Variants in SAMSN1 observed in about 807,000 individuals in gnomAD.
SAMSN1 encodes SAM domain-containing protein SAMSN-1.
A neutral mutation model predicts 42.0 loss-of-function variants in SAMSN1; 31 were observed. That is an observed-to-expected ratio of 0.74 (90% CI 0.55 to 1.00). The LOEUF (loss-of-function observed/expected upper bound fraction) is 1.00, where lower values mean the gene tolerates loss of function less well. Among genes scored for constraint, SAMSN1 ranks in the 50% least tolerant of loss-of-function variants. The probability of loss-of-function intolerance (pLI) is 0.00; values close to 1 mark genes in which losing one functional copy is unlikely to be tolerated. For synonymous variants in SAMSN1, 178 were observed against 151.9 expected (o/e 1.17, Z -1.26); for missense variants, 464 against 439.4 (o/e 1.06, Z -0.50).
At chr21:14,653,237 A>G (rs1235996421) in intron 1 of SAMSN1, among the ~76,000 whole-genome samples, 1 of 151,988 alleles carries the variant, frequency 6.6e-6, no homozygotes, top group African/African-American at 2.4e-5. Context: ...AGATTTGGAC[A>G]CAACCTAAGT....
intron 5 of SAMSN1, among the ~76,000 whole-genome samples, chr21:14,608,592 G>A (rs1324262999): frequency 1.3e-5 from 2 of 152,176 alleles, no homozygotes; most frequent in Non-Finnish European, 2.9e-5. Context: ...TAAGATATCA[G>A]CAGGAGTGGC....
chr21:14,577,277 TATA>T lies in SAMSN1; in HGVS notation c.261+4856_261+4858del, dbSNP rs1283173599. ...ATATATATATATATATATATATATA[TATA>T]TATATTTTTTTTTTAGAAGAGACAG... On this transcript the variant is annotated intron_variant, in intron 2 of 8. Transcript: ENST00000285670. Among the ~76,000 whole-genome samples the T allele has an allele frequency of 3.1e-3, 166 of 54,032 alleles. 7 individuals are homozygous for T. The highest frequency in any genetic ancestry group is 5.2e-3 in the African/African-American group (49 of 9,454). The allele number at this position is 54,032 out of a possible 152,430, so 35.4% of individuals were successfully genotyped here. A position where few individuals can be genotyped will look rare whatever the true frequency, so the allele number is the denominator to read the frequency against.
Position 14,485,930 on chromosome 21 carries a change from G to A in SAMSN1, c.1104C>T (p.Ile368=). Residue 368 remains isoleucine (I), a synonymous_variant, in exon 8 of 8, where the codon ATC becomes ATT. Coordinates refer to ENST00000400566, the MANE Select transcript of SAMSN1 (RefSeq NM_022136.5). ...NLSDMVHKII[I]TEPSD is the part of the protein sequence containing the mutation. ...TGCGTGTTCAGTCACTTGGCTCTGT[G>A]ATAATAATCTTATGTACCATGTCAG... 6.2e-7 allele frequency: 1 copy of A among 1,613,432 alleles called. No individual in the cohort carries two copies. The highest frequency in any genetic ancestry group is 2.2e-5 in the East Asian group (1 of 44,860).
chr21:14,622,953 G>A (rs1236468912), intron 2 of SAMSN1, among the ~76,000 whole-genome samples: 4 of 152,194 alleles, frequency 2.6e-5, no homozygotes, highest in African/African-American at 7.2e-5. Context: ...AGAAGAGAGT[G>A]GGGGCCAATA....
At chr21:14,551,673 AG>A (rs1309468145) in intron 2 of SAMSN1, among the ~76,000 whole-genome samples, 2 of 152,110 alleles carry the variant, frequency 1.3e-5, no homozygotes, top group Non-Finnish European at 2.9e-5. Flanking sequence ...TTATTCTACA[AG>A]TTAATAATAT....
chr21:14,520,094 C>T (rs1172977422), intron 2 of SAMSN1, among the ~76,000 whole-genome samples: 1 of 152,166 alleles, frequency 6.6e-6, no homozygotes, highest in African/African-American at 2.4e-5. Context: ...ATAAAGTTAG[C>T]ATTGTGCTTA....
chr21:14,639,866 A>G (rs1983552414), intron 2 of SAMSN1, among the ~76,000 whole-genome samples: 1 of 151,948 alleles, frequency 6.6e-6, no homozygotes, highest in Non-Finnish European at 1.5e-5. Flanking sequence ...ATCACCTATT[A>G]TTTCTCTTTT....
At chr21:14,598,000 C>T (rs540747738) in intron 6 of SAMSN1, 2 of 152,236 alleles carry the variant, frequency 1.3e-5, no homozygotes, top group South Asian at 4.1e-4. Context: ...CCCCTAACTA[C>T]TGGGGAGGCT....
chr21:14,560,167 T>C (rs1980900508), intron 2 of SAMSN1, among the ~76,000 whole-genome samples: 2 of 152,258 alleles, frequency 1.3e-5, no homozygotes, highest in Admixed American at 6.5e-5. Flanking sequence ...CTGGAGAAGT[T>C]AGGAAATGTT....
At chr21:14,586,307 A>G (rs973173953), upstream of SAMSN1, among the ~76,000 whole-genome samples, 1 of 151,656 alleles carries the variant, frequency 6.6e-6, no homozygotes, top group East Asian at 1.9e-4. Flanking sequence ...AAAATCCTCA[A>G]ATATTTTTCA....
intron 1 of SAMSN1, among the ~76,000 whole-genome samples, chr21:14,543,147 T>G (rs1980151131): frequency 6.6e-6 from 1 of 152,226 alleles, no homozygotes; most frequent in South Asian, 2.1e-4. Context: ...AACATTCCAG[T>G]ACATGCAATG....
At chr21:14,596,138 T>C (rs1982255466) in intron 6 of SAMSN1, among the ~76,000 whole-genome samples, 1 of 152,170 alleles carries the variant, frequency 6.6e-6, no homozygotes, top group Non-Finnish European at 1.5e-5. Context: ...ATTAATGCAG[T>C]ATAACTTCGG....
chr21:14,602,519 A>T (rs1490231569), intron 5 of SAMSN1, among the ~76,000 whole-genome samples: 1 of 152,194 alleles, frequency 6.6e-6, no homozygotes, highest in South Asian at 2.1e-4. Context: ...TCTTCTCAAC[A>T]TGAATTATTT....
intron 7 of SAMSN1, among the ~76,000 whole-genome samples, chr21:14,486,374 C>A (rs552740634): frequency 6.6e-6 from 1 of 152,054 alleles, no homozygotes; most frequent in Admixed American, 6.6e-5. Flanking sequence ...TGTGAACTTC[C>A]CGCATCAGCA....
At chr21:14,545,820 T>C (rs143087698) in intron 1 of SAMSN1, among the ~76,000 whole-genome samples, 262 of 152,296 alleles carry the variant, frequency 1.7e-3, no homozygotes, top group African/African-American at 5.8e-3. Context: ...GCTAATTACT[T>C]AAGAGATAAA....
chr21:14,577,238 GTATATATATATA>G lies in SAMSN1; in HGVS notation c.261+4886_261+4897del, dbSNP rs767931839. On this transcript the variant is annotated intron_variant, in intron 2 of 8. Transcript: ENST00000285670. ...GGTGGGCTAATTTATATATATGTGT[GTATATATATATA>G]TATATATATATATATATATATATAT... Among the ~76,000 whole-genome samples the G allele has an allele frequency of 3.4e-3, 96 of 28,178 alleles. 3 individuals carry two copies. The highest frequency in any genetic ancestry group is 9.1e-3 in the East Asian group (9 of 986). 18.5% of individuals were successfully genotyped at this position (28,178 alleles called of 152,430 possible).
At chr21:14,535,649 C>T (rs1047977527) in intron 1 of SAMSN1, among the ~76,000 whole-genome samples, 19 of 152,222 alleles carry the variant, frequency 1.2e-4, no homozygotes, top group Admixed American at 9.8e-4. Flanking sequence ...AGGGTAGGAC[C>T]TAATCCGTTC....
rs1372393805 is a variant in SAMSN1, at chr21:14,641,005, AC to A, written c.156+1996del. 1.5e-3 allele frequency among the ~76,000 whole-genome samples: 96 copies of A among 63,360 alleles called. 2 individuals carry two copies. Among genetic ancestry groups the A allele is most frequent in the Middle Eastern group, 0.015 (1 of 66 alleles). The allele number at this position is 63,360 out of a possible 152,430, so 41.6% of individuals were successfully genotyped here. A position where few individuals can be genotyped will look rare whatever the true frequency, so the allele number is the denominator to read the frequency against. On this transcript the variant is annotated intron_variant, in intron 2 of 15. Coordinates refer to the SAMSN1 transcript ENST00000647101. ...AATGGTTTGGTTTTTATGCATATTT[AC>A]TTAAATGTGTGAGACATTTAAAAAA...
chr21:14,614,254 C>T (rs116047971), intron 3 of SAMSN1, among the ~76,000 whole-genome samples: 5 of 151,924 alleles, frequency 3.3e-5, no homozygotes, highest in Non-Finnish European at 7.4e-5. Context: ...ATGTGTCTGG[C>T]ATCTGCTTTA....
Sources: allele counts gnomAD v4.1 joint callset (sites outside exome capture counted in the v4.1 genomes callset), GRCh38; gene constraint gnomAD v4.1.1; transcripts MANE v1.5; gene names NCBI Gene and HGNC (gene_info 2026-07-23, HGNC 2026-07-21).